Variants in NXPH2 observed in about 807,000 individuals in gnomAD.
The protein encoded by NXPH2 is neurexophilin-2.
A neutral mutation model predicts 19.8 loss-of-function variants in NXPH2; 5 were observed. The ratio of observed to expected loss-of-function variants is 0.25; its 90% CI spans 0.13 to 0.53. The LOEUF (loss-of-function observed/expected upper bound fraction) is 0.53, where lower values mean the gene tolerates loss of function less well. Among genes scored for constraint, NXPH2 ranks in the 20% least tolerant of loss-of-function variants. The probability of loss-of-function intolerance (pLI) is 0.96; values close to 1 mark genes in which losing one functional copy is unlikely to be tolerated. For synonymous variants in NXPH2, 154 were observed against 127.4 expected, an observed-to-expected ratio of 1.21 and a Z score of -1.41; for missense variants, 289 against 322.8, an observed-to-expected ratio of 0.90 and a Z score of 0.80.
intron 1 of NXPH2, among the ~76,000 whole-genome samples, chr2:138,679,400 AT>A (rs34158790): frequency 0.019 from 2,634 of 139,916 alleles, 19 homozygotes; most frequent in Non-Finnish European, 0.021. Flanking sequence ...AGAGGCCTGA[AT>A]TTTTTTTTTT....
chr2:138,675,335 A>C (rs1387264668), intron 1 of NXPH2, among the ~76,000 whole-genome samples: 1 of 152,014 alleles, frequency 6.6e-6, no homozygotes, highest in Non-Finnish European at 1.5e-5. Flanking sequence ...TCACTTTCAC[A>C]TTACTGATAA....
chr2:138,756,145 ACT>A (rs926827403), intron 1 of NXPH2, among the ~76,000 whole-genome samples: 1 of 151,944 alleles, frequency 6.6e-6, no homozygotes, highest in Non-Finnish European at 1.5e-5. Flanking sequence ...TTTATTAATT[ACT>A]CTTTATGTAA....
At chr2:138,688,032 G>A (rs1680687958) in intron 1 of NXPH2, among the ~76,000 whole-genome samples, 1 of 152,074 alleles carries the variant, frequency 6.6e-6, no homozygotes, top group African/African-American at 2.4e-5. Context: ...GCCCTTTTTT[G>A]GTTCCATGTG....
intron 1 of NXPH2, among the ~76,000 whole-genome samples, chr2:138,750,049 C>T (rs1056729976): frequency 1.3e-5 from 2 of 152,116 alleles, no homozygotes; most frequent in Non-Finnish European, 1.5e-5. Context: ...ATTTAAACAT[C>T]GTTTTCTTCT....
intron 1 of NXPH2, among the ~76,000 whole-genome samples, chr2:138,773,000 T>A (rs192719829): frequency 1.1e-3 from 167 of 152,350 alleles, no homozygotes; most frequent in African/African-American, 3.7e-3. Flanking sequence ...TTACATCCTG[T>A]CACTTGTCTT....
chr2:138,759,854 C>A (rs551251314), intron 1 of NXPH2, among the ~76,000 whole-genome samples: 1 of 151,930 alleles, frequency 6.6e-6, no homozygotes, highest in East Asian at 1.9e-4. Context: ...CTCAGCCTCC[C>A]GCTTAGCTGG....
chr2:138,703,991 T>C (rs1431210082), intron 1 of NXPH2, among the ~76,000 whole-genome samples: 1 of 152,186 alleles, frequency 6.6e-6, no homozygotes, highest in African/African-American at 2.4e-5. Context: ...TTACACCACT[T>C]GCTAAATTAC....
chr2:138,752,686 G>A (rs1375049532), intron 1 of NXPH2, among the ~76,000 whole-genome samples: 3 of 152,032 alleles, frequency 2.0e-5, no homozygotes, highest in Non-Finnish European at 4.4e-5. Flanking sequence ...CCTGTTCCGG[G>A]ATCCCATCCA....
chr2:138,731,844 T>A (rs1681458203), intron 1 of NXPH2, among the ~76,000 whole-genome samples: 1 of 151,844 alleles, frequency 6.6e-6, no homozygotes, highest in African/African-American at 2.4e-5. Context: ...TCCCTGAGAG[T>A]CACCTTCTTT....
intron 1 of NXPH2, among the ~76,000 whole-genome samples, chr2:138,731,402 C>T (rs1304263246): frequency 1.3e-5 from 2 of 152,016 alleles, no homozygotes; most frequent in African/African-American, 4.8e-5. Flanking sequence ...GCTGACAATG[C>T]AGTGATGACC....
At chr2:138,780,106 C>A (rs1395441930) in intron 1 of NXPH2, 85 bp downstream of exon 1, 4 of 1,358,068 alleles carry the variant, frequency 2.9e-6, no homozygotes, top group Non-Finnish European at 2.9e-6. Context: ...CAGGCCCAGG[C>A]TGGGCTCCAA....
chr2:138,772,116 C>G (rs1185963284), intron 1 of NXPH2, among the ~76,000 whole-genome samples: 6 of 152,138 alleles, frequency 3.9e-5, no homozygotes, highest in Non-Finnish European at 8.8e-5. Flanking sequence ...TGAACCCACA[C>G]TTTCTCTCTC....
At chr2:138,758,825 G>T (rs1313132601) in intron 1 of NXPH2, among the ~76,000 whole-genome samples, 3 of 152,132 alleles carry the variant, frequency 2.0e-5, no homozygotes, top group African/African-American at 7.2e-5. Context: ...CTCACAAGTG[G>T]TCCCAAGCCA....
intron 1 of NXPH2, among the ~76,000 whole-genome samples, chr2:138,721,339 GA>G (rs141871590): frequency 9.1e-4 from 129 of 141,082 alleles, no homozygotes; most frequent in East Asian, 1.2e-3. Flanking sequence ...GACTCCGTCT[GA>G]AAAAAAAAAA....
At chr2:138,770,203 T>C (rs940118257) in intron 1 of NXPH2, among the ~76,000 whole-genome samples, 7 of 152,146 alleles carry the variant, frequency 4.6e-5, no homozygotes, top group African/African-American at 1.7e-4. Context: ...ATATTTTAAC[T>C]CTTTCCAGAA....
intron 1 of NXPH2, among the ~76,000 whole-genome samples, chr2:138,761,894 A>G (rs1201308034): frequency 6.6e-6 from 1 of 152,226 alleles, no homozygotes; most frequent in Non-Finnish European, 1.5e-5. Flanking sequence ...GTAATGCTAA[A>G]CACACAAAAA....
intron 1 of NXPH2, among the ~76,000 whole-genome samples, chr2:138,707,681 AG>A (rs1269415259): frequency 6.6e-6 from 1 of 152,186 alleles, no homozygotes; most frequent in Non-Finnish European, 1.5e-5. Context: ...TCACAACTTT[AG>A]TTTATTTTCA....
At chr2:138,725,530 C>A (rs1681343545) in intron 1 of NXPH2, among the ~76,000 whole-genome samples, 1 of 152,100 alleles carries the variant, frequency 6.6e-6, no homozygotes, top group South Asian at 2.1e-4. Context: ...TTAACAGAAG[C>A]TAAAATCATG....
chr2:138,707,039 A>G, intron 1 of NXPH2, among the ~76,000 whole-genome samples: 1 of 145,166 alleles, frequency 6.9e-6, no homozygotes, highest in African/African-American at 2.5e-5. Context: ...AAAATGTAAA[A>G]ATTCTAGAAA....
Sources: gnomAD v4.1 joint callset for allele counts (sites outside exome capture counted in the v4.1 genomes callset) on GRCh38, gnomAD v4.1.1 for gene constraint, MANE v1.5 for transcripts, NCBI Gene and HGNC (gene_info 2026-07-23, HGNC 2026-07-21) for gene names.